The following CNTN5 variants were observed in gnomAD, a reference collection of about 807,000 sequenced individuals.
The protein encoded by CNTN5 is contactin 5, also known as contactin-5.
CNTN5 carries 77 observed loss-of-function variants against 129.1 expected under a neutral mutation model. That is an observed-to-expected ratio of 0.60 (90% CI 0.50 to 0.72). The LOEUF is 0.72. CNTN5 is among the 30% of genes least tolerant of loss of function. The pLI is 0.00. For missense variants in CNTN5, 1,478 were observed against 1,328.8 expected (o/e 1.11, Z -1.75); for synonymous variants, 509 against 465.6 (o/e 1.09, Z -1.20).
At chr11:99,924,495 G>A (rs1950015771) in intron 7 of CNTN5, among the ~76,000 whole-genome samples, 1 of 151,546 alleles carries the variant, frequency 6.6e-6, no homozygotes, top group South Asian at 2.1e-4. Context: ...AGTGAATAGG[G>A]TATCCTTTCC....
intron 6 of CNTN5, among the ~76,000 whole-genome samples, chr11:99,891,777 G>A (rs1357815862): frequency 2.0e-5 from 3 of 152,116 alleles, no homozygotes; most frequent in African/African-American, 7.2e-5. Context: ...TGTGAATAGT[G>A]CTGCAATAAA....
chr11:99,187,874 A>G (rs1218210523), intron 1 of CNTN5, among the ~76,000 whole-genome samples: 1 of 148,438 alleles, frequency 6.7e-6, no homozygotes, highest in Non-Finnish European at 1.5e-5. Context: ...ACCACATAGC[A>G]TTATACATTT....
At chr11:99,748,424 G>A (rs1351340584) in intron 3 of CNTN5, among the ~76,000 whole-genome samples, 1 of 151,990 alleles carries the variant, frequency 6.6e-6, no homozygotes, top group Non-Finnish European at 1.5e-5. Context: ...TAGAGAGAGA[G>A]AGAGTGAGAG....
intron 13 of CNTN5, among the ~76,000 whole-genome samples, chr11:100,159,510 T>C (rs1947368149): frequency 6.6e-6 from 1 of 151,864 alleles, no homozygotes; most frequent in Non-Finnish European, 1.5e-5. Context: ...TCATTGCAAT[T>C]ACATTGAAGA....
chr11:100,320,643 C>T (rs1426005575), intron 21 of CNTN5, among the ~76,000 whole-genome samples: 1 of 151,974 alleles, frequency 6.6e-6, no homozygotes, highest in African/African-American at 2.4e-5. Context: ...AGACCAAGGT[C>T]ATAGAGCTTT....
At chr11:99,748,488 G>T (rs184692970) in intron 3 of CNTN5, among the ~76,000 whole-genome samples, 5 of 141,446 alleles carry the variant, frequency 3.5e-5, no homozygotes, top group Admixed American at 3.4e-4. Context: ...TGGAATTCTG[G>T]AGTCCAGAAA....
intron 1 of CNTN5, among the ~76,000 whole-genome samples, chr11:99,249,979 A>G (rs923367086): frequency 1.3e-5 from 2 of 151,976 alleles, no homozygotes; most frequent in African/African-American, 2.4e-5. Context: ...TTGTTATATA[A>G]TAAGGAAAAT....
In CNTN5 at chr11:99,692,448, G is replaced by A. The variant is rs77520137; in HGVS notation, c.56-127096G>A. ...ACCGGTCTGGTGGTGACAGTTTCCC[G>A]CAGCATTTGTGAAAAAGGACTTTAT... On this transcript the variant is annotated intron_variant, in intron 3 of 24. Transcript: ENST00000524871. Among the ~76,000 whole-genome samples, 1,233 of 152,080 alleles carry A rather than the reference G, an allele frequency of 8.1e-3. 9 individuals carry two copies. Among genetic ancestry groups the A allele is most frequent in the South Asian group, 0.016 (78 of 4,820 alleles).
At chr11:99,804,759 T>C (rs1946218614) in intron 3 of CNTN5, among the ~76,000 whole-genome samples, 1 of 151,050 alleles carries the variant, frequency 6.6e-6, no homozygotes, top group Admixed American at 6.6e-5. Flanking sequence ...TCTATGTTTA[T>C]AGATAGAAGT....
intron 18 of CNTN5, among the ~76,000 whole-genome samples, chr11:100,276,588 A>G (rs988463887): frequency 6.6e-6 from 1 of 151,680 alleles, no homozygotes; most frequent in Non-Finnish European, 1.5e-5. Flanking sequence ...CAAAGCTAAG[A>G]TAAATTGGTT....
intron 1 of CNTN5, among the ~76,000 whole-genome samples, chr11:99,174,353 A>C (rs1300716026): frequency 1.3e-5 from 2 of 152,072 alleles, no homozygotes; most frequent in African/African-American, 4.8e-5. Context: ...CTTTCTCTCC[A>C]ATTAGACTTG....
chr11:99,035,987 A>ATTTGC (rs1863705873), intron 1 of CNTN5, among the ~76,000 whole-genome samples: 2 of 151,740 alleles, frequency 1.3e-5, no homozygotes, highest in African/African-American at 4.8e-5. Flanking sequence ...ATCTCTCAGC[A>ATTTGC]TTTGCTTGTC....
chr11:99,190,200 C>T (rs978873709), intron 1 of CNTN5, among the ~76,000 whole-genome samples: 2 of 151,602 alleles, frequency 1.3e-5, no homozygotes, highest in African/African-American at 2.4e-5. Flanking sequence ...AATCAATTGC[C>T]CATAAACACA....
At chr11:99,648,393 C>T (rs926887306) in intron 3 of CNTN5, among the ~76,000 whole-genome samples, 2 of 151,504 alleles carry the variant, frequency 1.3e-5, no homozygotes, top group Non-Finnish European at 3.0e-5. Context: ...GTTACAATGA[C>T]TATTATCAAA....
At chr11:100,284,075 A>C (rs561059046) in intron 18 of CNTN5, among the ~76,000 whole-genome samples, 15 of 152,042 alleles carry the variant, frequency 9.9e-5, no homozygotes, top group Admixed American at 8.5e-4. Flanking sequence ...CAATTGTTGC[A>C]CTCTCCCTCT....
intron 23 of CNTN5, among the ~76,000 whole-genome samples, chr11:100,349,323 T>G (rs1238433248): frequency 1.3e-5 from 2 of 151,942 alleles, no homozygotes; most frequent in African/African-American, 4.8e-5. Context: ...TCAATAATTA[T>G]CTAATTTCCC....
At chr11:99,506,934 A>T (rs982304256) in intron 2 of CNTN5, among the ~76,000 whole-genome samples, 5 of 152,206 alleles carry the variant, frequency 3.3e-5, no homozygotes, top group Non-Finnish European at 7.3e-5. Flanking sequence ...ATTTAAAAAA[A>T]TATAAAAAGT....
At chr11:99,362,705 A>G (rs1318150696) in intron 2 of CNTN5, among the ~76,000 whole-genome samples, 1 of 151,654 alleles carries the variant, frequency 6.6e-6, no homozygotes, top group Admixed American at 6.6e-5. Context: ...TGCATACGAT[A>G]TAAAGTACAG....
intron 1 of CNTN5, among the ~76,000 whole-genome samples, chr11:99,202,026 C>G (rs559401306): frequency 6.6e-6 from 1 of 152,090 alleles, no homozygotes; most frequent in Non-Finnish European, 1.5e-5. Context: ...TTTAGAAATG[C>G]CACATTAAGA....
Sources: allele counts gnomAD v4.1 joint callset (sites outside exome capture counted in the v4.1 genomes callset), GRCh38; gene constraint gnomAD v4.1.1; transcripts MANE v1.5; gene names NCBI Gene and HGNC (gene_info 2026-07-23, HGNC 2026-07-21).